The following PKHD1L1 variants were observed in gnomAD, a reference collection of about 807,000 sequenced individuals.
PKHD1L1 encodes PKHD1 like 1.
Under a neutral mutation model 462.9 loss-of-function variants are expected in PKHD1L1, and 434 were observed. The ratio of observed to expected loss-of-function variants is 0.94; its 90% CI spans 0.87 to 1.02. The LOEUF (loss-of-function observed/expected upper bound fraction) is 1.02, where lower values mean the gene tolerates loss of function less well. Ranked by LOEUF, PKHD1L1 falls within the 50% of genes least tolerant of loss-of-function variation. PKHD1L1 has a pLI of 0.00. For missense variants in PKHD1L1, 5,202 were observed against 5,096.1 expected (o/e 1.02, Z -0.63); for synonymous variants, 1,781 against 1,750.0 (o/e 1.02, Z -0.44).
At position 109,522,293 on chromosome 8, in the gene PKHD1L1, A is replaced by G. The variant is rs1386411108; in HGVS notation, c.12139A>G (p.Ile4047Val). The part of the protein sequence containing the change: ...ILGFNISSMS[I>V]TNPLPSPSDS... ...TGGATTTAACATTTCGTCCATGTCT[A>G]TTACTAATCCCCTCCCCAGCCCAAG... The change falls in exon 74 of 78, where the codon ATT (isoleucine) becomes GTT (valine). Residue 4047 changes from isoleucine (I) to valine (V), a missense_variant. Around this residue, in one of 3 missense-constraint regions of PKHD1L1, gnomAD observed 698 missense variants for 736.3 expected, o/e 0.95. Coordinates refer to ENST00000378402, the MANE Select transcript of PKHD1L1 (RefSeq NM_177531.6). 2.5e-6 allele frequency: 4 copies of G among 1,608,014 alleles called. No homozygotes were observed. In the Admixed American group the frequency reaches 6.8e-5, roughly 27 times the overall value.
rs1348624251 is a variant in PKHD1L1 at position 109,535,619 on chromosome 8, A to G, written c.*5529A>G. Reference sequence around the variant, plus strand: ...AAAATTAAGAGTTTAAAAAGCAACAATCAAGACACATATCCTCCTAAGTGA... The same window carrying G: ...AAAATTAAGAGTTTAAAAAGCAACAGTCAAGACACATATCCTCCTAAGTGA... On this transcript the variant is annotated 3_prime_UTR_variant, in exon 78 of 78. Transcript: ENST00000378402. Among the ~76,000 whole-genome samples the G allele has an allele frequency of 6.6e-6, 1 of 152,240 alleles. No individual in the cohort carries two copies. Among genetic ancestry groups the G allele is most frequent in the Non-Finnish European group, 1.5e-5 (1 of 68,038 alleles).
chr8:109,442,899 T>C, intron 35 of PKHD1L1, 47 bp from the exon 36 acceptor site: 2 of 1,538,728 alleles, frequency 1.3e-6, no homozygotes, highest in Non-Finnish European at 1.8e-6. Context: ...TTTTCAAATA[T>C]GCATTAATTG....
intron 65 of PKHD1L1, among the ~76,000 whole-genome samples, chr8:109,498,087 C>CTTTTT (rs71305953): frequency 1.2e-3 from 73 of 58,958 alleles, no homozygotes; most frequent in Non-Finnish European, 1.5e-3. Context: ...ATCATGTTTT[C>CTTTTT]TTTTTTTTTT....
intron 56 of PKHD1L1, among the ~76,000 whole-genome samples, chr8:109,481,819 T>C (rs1388672694): frequency 6.6e-6 from 1 of 151,822 alleles, no homozygotes; most frequent in Non-Finnish European, 1.5e-5. Context: ...TAAACCAAAA[T>C]GTAATTTATT....
chr8:109,445,594 A>G lies in PKHD1L1; in HGVS notation c.5725A>G (p.Thr1909Ala), dbSNP rs1194339649. Residue 1909 changes from threonine to alanine, a missense_variant, in exon 38 of 78, where the codon ACA becomes GCA. By Grantham distance (58) the Thr-to-Ala change is moderately conservative. Coordinates refer to ENST00000378402, the MANE Select transcript of PKHD1L1 (RefSeq NM_177531.6). ...AATTGCTTATCCACCTTTGCTTTTT[A>G]CATATGCCCTGGAGGATACTCCATT... is the stretch of plus-strand genomic sequence containing the variant. ...NTIAYPPLLF[T>A]YALEDTPFLR... 6.2e-7 allele frequency: 1 copy of G among 1,610,650 alleles called. No homozygotes were observed. The highest frequency in any genetic ancestry group is 1.7e-5 in the Admixed American group (1 of 59,722).
At chr8:109,480,928 T>TGAAATAAGGA (rs1212609582) in intron 55 of PKHD1L1, among the ~76,000 whole-genome samples, 1 of 151,986 alleles carries the variant, frequency 6.6e-6, no homozygotes, top group Non-Finnish European at 1.5e-5. Flanking sequence ...TCACCATTAG[T>TGAAATAAGGA]TTTCTCACCT....
In PKHD1L1 at chr8:109,508,269, G is replaced by A. The variant is rs767155808; in HGVS notation, c.11395+5G>A. On this transcript the variant is annotated splice_donor_5th_base_variant and intron_variant, in intron 70 of 77. Transcript: ENST00000378402. ...GTTATGTTGATCTTATTAATGGTAG[G>A]TATTCAATATGAGTAAACTACAATT... The A allele has an allele frequency of 8.3e-5, 132 of 1,595,778 alleles. No homozygotes were observed. The highest frequency in any genetic ancestry group is 1.1e-4 in the Non-Finnish European group (128 of 1,172,790).
At chr8:109,461,704 T>C (rs1817134617) in intron 47 of PKHD1L1, 68 bp from the exon 48 acceptor site, 1 of 1,490,594 alleles carries the variant, frequency 6.7e-7, no homozygotes, top group Non-Finnish European at 9.1e-7. Context: ...CACTTAGTTA[T>C]GAGAAAATCT....
At chr8:109,516,853 T>C (rs770065366) in intron 72 of PKHD1L1, among the ~76,000 whole-genome samples, 3 of 152,116 alleles carry the variant, frequency 2.0e-5, no homozygotes, top group Non-Finnish European at 4.4e-5. Flanking sequence ...AGAGTTCCAC[T>C]AACATATATT....
At chr8:109,524,556 T>G (rs1400566389) in intron 76 of PKHD1L1, among the ~76,000 whole-genome samples, 1 of 152,218 alleles carries the variant, frequency 6.6e-6, no homozygotes, top group African/African-American at 2.4e-5. Context: ...ACCAACCTTG[T>G]GACTAAGGTC....
intron 2 of PKHD1L1, among the ~76,000 whole-genome samples, chr8:109,364,880 G>A (rs868630554): frequency 5.3e-5 from 8 of 152,192 alleles, no homozygotes; most frequent in South Asian, 4.2e-4. Flanking sequence ...ATTAATGACT[G>A]AACTAAAAGG....
chr8:109,401,057 A>G (rs1289973401), intron 13 of PKHD1L1, among the ~76,000 whole-genome samples: 1 of 152,178 alleles, frequency 6.6e-6, no homozygotes, highest in African/African-American at 2.4e-5. Flanking sequence ...AATCATTCCT[A>G]ATGGGAAGCC....
chr8:109,465,898 G>A (rs1817416290), intron 49 of PKHD1L1, among the ~76,000 whole-genome samples: 2 of 152,092 alleles, frequency 1.3e-5, no homozygotes, highest in South Asian at 4.1e-4. Context: ...AAACATTCAT[G>A]ATTTCTAGAA....
chr8:109,457,844 G>A (rs553252595), intron 46 of PKHD1L1, among the ~76,000 whole-genome samples: 10 of 152,224 alleles, frequency 6.6e-5, no homozygotes, highest in South Asian at 4.1e-4. Context: ...TGTATCATCC[G>A]AATCCAGGAA....
In PKHD1L1 at chr8:109,477,268, G is replaced by C. The variant is rs1385881979; in HGVS notation, c.8961G>C (p.Gly2987=). 1.2e-6 allele frequency: 2 copies of C among 1,613,382 alleles called. No homozygotes were observed. The highest frequency in any genetic ancestry group is 1.7e-6 in the Non-Finnish European group (2 of 1,179,602). The change falls in exon 53 of 78, where the codon GGG becomes GGC. Residue 2987 remains glycine, a synonymous_variant. Coordinates refer to ENST00000378402, the MANE Select transcript of PKHD1L1 (RefSeq NM_177531.6). ...NDLHQSQLIS[G]NLDPDVKDVV... The stretch of plus-strand genomic sequence containing the variant: ...TTCATCAGAGTCAGCTCATTTCTGG[G>C]AACCTGGATCCTGATGTGAAAGACG...
At chr8:109,518,120 T>C in intron 72 of PKHD1L1, 47 bp from the exon 73 acceptor site, 1 of 1,176,182 alleles carries the variant, frequency 8.5e-7, no homozygotes, top group Non-Finnish European at 1.2e-6. Context: ...TTGATTGTGA[T>C]AATATAAAAT....
At chr8:109,430,094 A>G in intron 27 of PKHD1L1, 57 bp downstream of exon 27, 1 of 1,099,138 alleles carries the variant, frequency 9.1e-7, no homozygotes, top group South Asian at 1.4e-5. Context: ...CAAAATGTAA[A>G]CTCTGATAAT....
intron 39 of PKHD1L1, among the ~76,000 whole-genome samples, chr8:109,449,036 A>G (rs80176644): frequency 9.8e-4 from 149 of 152,294 alleles, no homozygotes; most frequent in African/African-American, 3.5e-3. Context: ...TAGTAATTGC[A>G]TAGTCTATGT....
chr8:109,403,299 T>C (rs1270333132), intron 14 of PKHD1L1, among the ~76,000 whole-genome samples: 3 of 152,206 alleles, frequency 2.0e-5, no homozygotes, highest in Non-Finnish European at 4.4e-5. Flanking sequence ...TACTCAAATA[T>C]TAAAAACATA....
Sources: gnomAD v4.1 joint callset for allele counts (sites outside exome capture counted in the v4.1 genomes callset) on GRCh38, gnomAD v4.1.1 for gene constraint, gnomAD v4.1.1 regional missense constraint, MANE v1.5 for transcripts, NCBI Gene and HGNC (gene_info 2026-07-23, HGNC 2026-07-21) for gene names.